ELAVL2: variants seen among roughly 807,000 people sequenced by gnomAD.
ELAVL2 encodes ELAV-like protein 2.
In ELAVL2, 4 loss-of-function variants were observed where a neutral mutation model predicts 34.6. That is an observed-to-expected ratio of 0.12 (90% CI 0.06 to 0.26). The LOEUF is 0.26. ELAVL2 is among the 10% of genes least tolerant of loss of function. The pLI is 1.00. For synonymous variants in ELAVL2, 193 were observed against 154.8 expected, an observed-to-expected ratio of 1.25 and a Z score of -1.83; for missense variants, 432 against 442.8, an observed-to-expected ratio of 0.98 and a Z score of 0.22.
chr9:23,701,545 T>C lies in ELAVL2; in HGVS notation c.547A>G (p.Ile183Val). ...FDKRIEAEEAIKGLNGQKPPG... is the reference protein window; with the variant it reads ...FDKRIEAEEAVKGLNGQKPPG... ...GGTTTCTGGCCATTTAGGCCTTTGA[T>C]AGCTTCTTCTGCCTCAATTCGCTTG... Residue 183 changes from isoleucine to valine, a missense_variant, in exon 5 of 7, where the codon ATC (isoleucine) becomes GTC (valine). Physicochemically the swap from Ile to Val is conservative, Grantham distance 29. Coordinates refer to ENST00000397312, the MANE Select transcript of ELAVL2 (RefSeq NM_004432.5). 6 of 1,614,138 alleles carry C rather than the reference T, an allele frequency of 3.7e-6. No homozygotes were observed. The highest frequency in any genetic ancestry group is 5.1e-6 in the Non-Finnish European group (6 of 1,180,000).
chr9:23,750,382 C>G (rs939606728), intron 2 of ELAVL2, among the ~76,000 whole-genome samples: 1 of 151,884 alleles, frequency 6.6e-6, no homozygotes, highest in African/African-American at 2.4e-5. Flanking sequence ...TAATCCTATT[C>G]CAATATGTAT....
intron 1 of ELAVL2, among the ~76,000 whole-genome samples, chr9:23,783,049 AGAGT>A (rs1363730450): frequency 4.6e-5 from 7 of 152,208 alleles, no homozygotes; most frequent in African/African-American, 1.2e-4. Context: ...CTATTTGGCT[AGAGT>A]GAGAGCCCAC....
At chr9:23,701,214 C>T (rs1397343916) in intron 5 of ELAVL2, among the ~76,000 whole-genome samples, 165 bp downstream of exon 5, 4 of 152,160 alleles carry the variant, frequency 2.6e-5, no homozygotes, top group African/African-American at 9.7e-5. Flanking sequence ...CACTATTCCT[C>T]AAGTAGATTC....
At chr9:23,816,471 A>G (rs2063739033) in intron 1 of ELAVL2, among the ~76,000 whole-genome samples, 1 of 152,160 alleles carries the variant, frequency 6.6e-6, no homozygotes, top group Admixed American at 6.5e-5. Flanking sequence ...ACAACCCACA[A>G]AAACAAAATG....
At position 23,691,104 on chromosome 9, in the gene ELAVL2, A is replaced by G. The variant is rs1424432384; in HGVS notation, c.*1453T>C. The G allele has an allele frequency of 6.6e-6, 1 of 152,586 alleles. No individual in the cohort carries two copies. Among genetic ancestry groups the G allele is most frequent in the Non-Finnish European group, 1.5e-5 (1 of 68,000 alleles). The allele number at this position is 152,586 out of a possible 1,614,324, so 9.5% of individuals were successfully genotyped here. ...TGAAGCTAGACTATCTACAGACAAAATTTGCAACAAATCTGATGCACTGTA... is the reference window on the plus strand; with the variant it reads ...TGAAGCTAGACTATCTACAGACAAAGTTTGCAACAAATCTGATGCACTGTA... On this transcript the variant is annotated 3_prime_UTR_variant, in exon 7 of 7. Transcript: ENST00000397312.
intron 3 of ELAVL2, among the ~76,000 whole-genome samples, chr9:23,720,016 G>A (rs887642628): frequency 1.3e-5 from 2 of 151,682 alleles, no homozygotes; most frequent in African/African-American, 2.4e-5. Flanking sequence ...AAGTAGAGAC[G>A]TGGTTTCACT....
chr9:23,796,682 A>G (rs778763733), intron 1 of ELAVL2, among the ~76,000 whole-genome samples: 18 of 152,254 alleles, frequency 1.2e-4, no homozygotes, highest in Non-Finnish European at 2.2e-4. Flanking sequence ...TATTATTGCC[A>G]AATCTATACG....
In ELAVL2 at chr9:23,769,828, A is replaced by C. The variant is rs368207249; in HGVS notation, c.-15-7579T>G. Among the ~76,000 whole-genome samples, 33 of 152,326 alleles carry C rather than the reference A, an allele frequency of 2.2e-4. No homozygotes were observed. In the East Asian group the frequency reaches 5.0e-3, roughly 23 times the overall value. ...TTGGCCCTTTATGACTTCTACGGAC[A>C]AAGTACACAGTCTCCTTCATGCCAG... On this transcript the variant is annotated intron_variant, in intron 1 of 6. Coordinates refer to ENST00000397312, the MANE Select transcript of ELAVL2 (RefSeq NM_004432.5).
chr9:23,734,777 A>C (rs921726733), intron 2 of ELAVL2, among the ~76,000 whole-genome samples: 1 of 152,102 alleles, frequency 6.6e-6, no homozygotes, highest in African/African-American at 2.4e-5. Flanking sequence ...GTTATAAATG[A>C]GCGCACAGTT....
At chr9:23,756,986 T>G (rs1484062199) in intron 2 of ELAVL2, among the ~76,000 whole-genome samples, 1 of 152,142 alleles carries the variant, frequency 6.6e-6, no homozygotes, top group Non-Finnish European at 1.5e-5. Flanking sequence ...AGACACAGTC[T>G]GATTCCCAAA....
At chr9:23,718,513 A>G (rs935142364) in intron 3 of ELAVL2, among the ~76,000 whole-genome samples, 11 of 152,330 alleles carry the variant, frequency 7.2e-5, no homozygotes, top group South Asian at 2.1e-4. Context: ...AGTAACAGCA[A>G]ACACTGCAGA....
At chr9:23,704,609 G>A (rs78051299) in intron 4 of ELAVL2, among the ~76,000 whole-genome samples, 1,698 of 152,244 alleles carry the variant, frequency 0.011, 40 homozygotes, top group African/African-American at 0.038. Context: ...CTATAAGCAG[G>A]ATGGGGGCTT....
chr9:23,772,959 C>G (rs1053332061), intron 1 of ELAVL2, among the ~76,000 whole-genome samples: 2 of 152,112 alleles, frequency 1.3e-5, no homozygotes, highest in Admixed American at 6.6e-5. Flanking sequence ...CCCCCAAAGA[C>G]AGCTTTCTTT....
At chr9:23,767,072 G>T (rs1181570558) in intron 1 of ELAVL2, among the ~76,000 whole-genome samples, 1 of 152,152 alleles carries the variant, frequency 6.6e-6, no homozygotes, top group Non-Finnish European at 1.5e-5. Flanking sequence ...TAGCATAGAT[G>T]AATCTAGAAT....
intron 6 of ELAVL2, among the ~76,000 whole-genome samples, chr9:23,693,183 G>T (rs2132672900): frequency 6.6e-6 from 1 of 152,268 alleles, no homozygotes; most frequent in East Asian, 1.9e-4. Flanking sequence ...GATTGGCAGG[G>T]GAAGGGATCA....
intron 3 of ELAVL2, among the ~76,000 whole-genome samples, chr9:23,722,948 C>A (rs567841727): frequency 6.6e-6 from 1 of 152,238 alleles, no homozygotes; most frequent in East Asian, 1.9e-4. Context: ...AGACTGAAGC[C>A]AAACTGACCT....
chr9:23,778,698 G>C (rs566235874), intron 1 of ELAVL2, among the ~76,000 whole-genome samples: 4 of 152,124 alleles, frequency 2.6e-5, no homozygotes, highest in Admixed American at 2.0e-4. Flanking sequence ...GGGGGAGGGA[G>C]GGGGTTTTCC....
intron 1 of ELAVL2, among the ~76,000 whole-genome samples, chr9:23,806,978 C>T (rs565631090): frequency 6.6e-6 from 1 of 152,138 alleles, no homozygotes; most frequent in South Asian, 2.1e-4. Context: ...TCCTTCTGCA[C>T]CTAAGGAAAA....
chr9:23,784,932 G>A (rs2059503891), intron 1 of ELAVL2, among the ~76,000 whole-genome samples: 4 of 152,136 alleles, frequency 2.6e-5, no homozygotes, highest in Admixed American at 2.6e-4. Context: ...TTTGGTTCCA[G>A]GCAAAATAAG....
Sources: allele counts gnomAD v4.1 joint callset (sites outside exome capture counted in the v4.1 genomes callset), GRCh38; gene constraint gnomAD v4.1.1; transcripts MANE v1.5; gene names NCBI Gene and HGNC (gene_info 2026-07-23, HGNC 2026-07-21).